The following VGLL4 variants were observed in gnomAD, a reference collection of about 807,000 sequenced individuals.
VGLL4 encodes transcription cofactor vestigial-like protein 4.
In VGLL4, 7 loss-of-function variants were observed where a neutral mutation model predicts 21.0. The observed-to-expected ratio is 0.33, with a 90% CI of 0.19 to 0.63. VGLL4 has a LOEUF of 0.63. Among genes scored for constraint, VGLL4 ranks in the 20% least tolerant of loss-of-function variants. The probability of loss-of-function intolerance (pLI) is 0.78; values close to 1 mark genes in which losing one functional copy is unlikely to be tolerated. For missense variants in VGLL4, 394 were observed against 425.7 expected (o/e 0.93, Z 0.66); for synonymous variants, 222 against 173.2 (o/e 1.28, Z -2.21).
chr3:11,698,272 G>T (rs765747775), intron 2 of VGLL4, among the ~76,000 whole-genome samples: 22 of 152,272 alleles, frequency 1.4e-4, no homozygotes, highest in South Asian at 6.2e-4. Context: ...ATTTTGGGAG[G>T]CCAAGGCGGG....
intron 1 of VGLL4, among the ~76,000 whole-genome samples, chr3:11,608,571 T>C (rs917900016): frequency 6.6e-6 from 1 of 152,194 alleles, no homozygotes; most frequent in Non-Finnish European, 1.5e-5. Context: ...TGCTATAATA[T>C]GATTTTGACA....
chr3:11,638,004 G>A (rs116820371), intron 1 of VGLL4, among the ~76,000 whole-genome samples: 2,484 of 152,258 alleles, frequency 0.016, 56 homozygotes, highest in Admixed American at 0.053. Context: ...GACAAAGATC[G>A]CCAGAAACAT....
intron 2 of VGLL4, among the ~76,000 whole-genome samples, chr3:11,573,325 A>G (rs11714756): frequency 0.17 from 7,168 of 41,704 alleles, 940 homozygotes; most frequent in Admixed American, 0.23. Flanking sequence ...GGAAGAAAGA[A>G]AGAAAGAAAG....
intron 1 of VGLL4, chr3:11,607,136 A>C (rs911745534): frequency 6.6e-6 from 1 of 152,232 alleles, no homozygotes; most frequent in African/African-American, 2.4e-5. Flanking sequence ...AAGCTTGTAC[A>C]TGCATGTTCA....
At chr3:11,686,205 G>T (rs1471063094) in intron 2 of VGLL4, among the ~76,000 whole-genome samples, 2 of 152,082 alleles carry the variant, frequency 1.3e-5, no homozygotes, top group Non-Finnish European at 2.9e-5. Context: ...CTGAAAGCAG[G>T]CTCTCAGAAA....
rs1260664250 is a variant in VGLL4 at position 11,673,966 on chromosome 3, C to T, written c.64+29005G>A. 7.9e-5 allele frequency among the ~76,000 whole-genome samples: 11 copies of T among 139,846 alleles called. 1 individual carries two copies. The highest frequency in any genetic ancestry group is 1.5e-5 in the Non-Finnish European group (1 of 66,278). 91.7% of individuals were successfully genotyped at this position (139,846 alleles called of 152,430 possible). A position where few individuals can be genotyped will look rare whatever the true frequency, so the allele number is the denominator to read the frequency against. On this transcript the variant is annotated intron_variant, in intron 2 of 5. Transcript: ENST00000273038. ...GGTGGAGGTTGCAGTGAGCTGAGAT[C>T]GCGCCACTGCACTCCAGCCTGGGTG...
intron 2 of VGLL4, among the ~76,000 whole-genome samples, chr3:11,591,852 AAC>A (rs1485999333): frequency 6.6e-6 from 1 of 152,262 alleles, no homozygotes; most frequent in African/African-American, 2.4e-5. Flanking sequence ...TGGGAATGGA[AAC>A]ACACACAACT....
At chr3:11,618,805 G>A (rs994749155) in intron 1 of VGLL4, among the ~76,000 whole-genome samples, 17 of 152,290 alleles carry the variant, frequency 1.1e-4, no homozygotes, top group Admixed American at 9.8e-4. Flanking sequence ...ACTGGAGTGT[G>A]AAGGTGAAGG....
intron 1 of VGLL4, among the ~76,000 whole-genome samples, chr3:11,617,859 A>C (rs2075192775): frequency 6.6e-6 from 1 of 152,250 alleles, no homozygotes; most frequent in Admixed American, 6.5e-5. Flanking sequence ...TCTCATATTT[A>C]CATTTCAATC....
At chr3:11,673,432 G>A (rs1169940725) in intron 2 of VGLL4, among the ~76,000 whole-genome samples, 1 of 151,852 alleles carries the variant, frequency 6.6e-6, no homozygotes, top group Non-Finnish European at 1.5e-5. Context: ...GGAGAAAGGG[G>A]GAAAGGGGGG....
At chr3:11,611,153 GA>G (rs1332313862) in intron 1 of VGLL4, among the ~76,000 whole-genome samples, 2 of 151,700 alleles carry the variant, frequency 1.3e-5, no homozygotes, top group African/African-American at 4.9e-5. Context: ...GGGGCGGGAG[GA>G]AGGGGAGCTT....
chr3:11,649,895 A>ATTTGG (rs139823468), intron 2 of VGLL4, among the ~76,000 whole-genome samples: 5,737 of 144,560 alleles, frequency 0.04, 141 homozygotes, highest in Non-Finnish European at 0.053. Context: ...CAAGTGCTCT[A>ATTTGG]TTTGGTTTGG....
chr3:11,601,275 A>T (rs746374332), intron 2 of VGLL4, among the ~76,000 whole-genome samples: 1 of 152,202 alleles, frequency 6.6e-6, no homozygotes, highest in Non-Finnish European at 1.5e-5. Context: ...GGATGTGGTG[A>T]GTGGCACCTT....
chr3:11,573,297 AAGAAAG>A (rs2073889186), intron 2 of VGLL4, among the ~76,000 whole-genome samples: 2 of 12,078 alleles, frequency 1.7e-4, no homozygotes, highest in Admixed American at 1.9e-3. Flanking sequence ...GAAAGAAAGA[AAGAAAG>A]AAAGGAAGGA....
At chr3:11,658,774 T>C (rs1179575981) in intron 2 of VGLL4, among the ~76,000 whole-genome samples, 1 of 152,122 alleles carries the variant, frequency 6.6e-6, no homozygotes, top group Non-Finnish European at 1.5e-5. Flanking sequence ...ATTTGTCAGA[T>C]ATGCACTTAT....
intron 2 of VGLL4, among the ~76,000 whole-genome samples, chr3:11,581,267 A>G (rs1462106766): frequency 6.6e-6 from 1 of 152,028 alleles, no homozygotes; most frequent in African/African-American, 2.4e-5. Flanking sequence ...GGGTTTCACC[A>G]TGTTGATCAG....
chr3:11,600,923 A>C (rs2074778956), intron 2 of VGLL4, among the ~76,000 whole-genome samples: 1 of 152,180 alleles, frequency 6.6e-6, no homozygotes, highest in Admixed American at 6.5e-5. Flanking sequence ...TACTCAGTGC[A>C]ACCTTGCCAG....
rs930360370 is a variant in VGLL4 at position 11,653,901 on chromosome 3, T to C, written c.64+49070A>G. On this transcript the variant is annotated intron_variant, in intron 2 of 5. Transcript: ENST00000273038. This position sits in a 1 kb window ranked among gnomAD's most constrained non-coding sequence, Gnocchi z 4.2. ...GTGACACTTGTAGCAGGCAGAGGGA[T>C]AGAATTCACCCGAGACAACACAGAG... Among the ~76,000 whole-genome samples the C allele has an allele frequency of 2.0e-5, 3 of 151,768 alleles. No homozygotes were observed. Among genetic ancestry groups the C allele is most frequent in the Admixed American group, 6.6e-5 (1 of 15,258 alleles).
At chr3:11,659,332 T>C (rs556061745) in intron 2 of VGLL4, among the ~76,000 whole-genome samples, 19 of 140,142 alleles carry the variant, frequency 1.4e-4, no homozygotes, top group Middle Eastern at 3.6e-3. Context: ...TTTTCTTTTT[T>C]TTTTTTTTTT....
Sources: gnomAD v4.1 joint callset for allele counts (sites outside exome capture counted in the v4.1 genomes callset) on GRCh38, gnomAD v4.1.1 for gene constraint, Gnocchi (gnomAD v3.1) non-coding constraint, MANE v1.5 for transcripts, NCBI Gene and HGNC (gene_info 2026-07-23, HGNC 2026-07-21) for gene names.